Variants in SYNE1 observed in about 807,000 individuals in gnomAD.
SYNE1 encodes nesprin-1.
SYNE1 carries 616 observed loss-of-function variants against 1,111.0 expected under a neutral mutation model. The observed-to-expected ratio is 0.55, with a 90% CI of 0.52 to 0.59. The LOEUF is 0.59. Among genes scored for constraint, SYNE1 ranks in the 20% least tolerant of loss-of-function variants. SYNE1 has a pLI of 0.00. For synonymous variants in SYNE1, 3,855 were observed against 3,825.8 expected (o/e 1.01, Z -0.28); for missense variants, 10,006 against 10,417.0 (o/e 0.96, Z 1.72).
At position 152,141,261 on chromosome 6, in the gene SYNE1, C is replaced by G; in HGVS notation, c.25188G>C (p.Glu8396Asp). ...CAAAGCCAGGAAGGCTCTCCTCTTC[C>G]TCCTTCAGTTTGTGCTCCAGTCTCT... ...SVKRLEHKLK[E>D]EEESLPGFVN... Residue 8396 changes from glutamate to aspartate, a missense_variant, in exon 139 of 146, where the codon GAG becomes GAC. Transcript: ENST00000367255. 6.2e-7 allele frequency: 1 copy of G among 1,614,218 alleles called. No homozygotes were observed. The highest frequency in any genetic ancestry group is 8.5e-7 in the Non-Finnish European group (1 of 1,180,040).
At chr6:152,235,508 T>TGC (rs1562391068) in intron 110 of SYNE1, among the ~76,000 whole-genome samples, 2 of 152,060 alleles carry the variant, frequency 1.3e-5, no homozygotes, top group Non-Finnish European at 2.9e-5. Flanking sequence ...ATTACAGGCA[T>TGC]GCACCACCAC....
chr6:152,337,135 G>A (rs1303528827), intron 75 of SYNE1, 118 bp from the exon 76 acceptor site: 7 of 908,236 alleles, frequency 7.7e-6, no homozygotes, highest in East Asian at 2.6e-5. Flanking sequence ...ACATACACAC[G>A]CAAACTCACA....
intron 63 of SYNE1, among the ~76,000 whole-genome samples, chr6:152,364,455 T>C (rs1237858338): frequency 8.2e-5 from 8 of 98,038 alleles, no homozygotes; most frequent in African/African-American, 5.5e-4. Flanking sequence ...TTATGAATCT[T>C]TTTTTTTTTG....
chr6:152,506,493 C>T (rs2099058766), intron 8 of SYNE1, among the ~76,000 whole-genome samples: 1 of 151,766 alleles, frequency 6.6e-6, no homozygotes, highest in African/African-American at 2.4e-5. Context: ...GAATGGTATG[C>T]TGATTAATAT....
intron 59 of SYNE1, among the ~76,000 whole-genome samples, 167 bp downstream of exon 59, chr6:152,372,870 T>C (rs2097212657): frequency 6.6e-6 from 1 of 152,206 alleles, no homozygotes; most frequent in East Asian, 1.9e-4. Flanking sequence ...CTCCCACTTC[T>C]AGCATTGGGC....
At chr6:152,361,886 G>A (rs528163853) in intron 64 of SYNE1, among the ~76,000 whole-genome samples, 2 of 151,614 alleles carry the variant, frequency 1.3e-5, no homozygotes, top group South Asian at 4.2e-4. Flanking sequence ...TGATGAGCAG[G>A]CTGAAGACAT....
chr6:152,397,750 T>A (rs1208688200), intron 49 of SYNE1, among the ~76,000 whole-genome samples: 1 of 152,062 alleles, frequency 6.6e-6, no homozygotes, highest in Non-Finnish European at 1.5e-5. Flanking sequence ...TGTTTGTAAC[T>A]AGCACTTTGA....
intron 56 of SYNE1, 91 bp downstream of exon 56, chr6:152,380,915 T>C: frequency 1.6e-5 from 21 of 1,298,522 alleles, no homozygotes; most frequent in Non-Finnish European, 2.3e-5. Context: ...TTGCGTGTTT[T>C]TAGTTAGCAA....
intron 63 of SYNE1, chr6:152,363,879 C>T (rs1041396010): frequency 5.2e-6 from 2 of 387,498 alleles, no homozygotes; most frequent in African/African-American, 4.2e-5. Flanking sequence ...CACTGTATAC[C>T]AGCTCCCAGC....
intron 61 of SYNE1, chr6:152,368,667 A>G (rs1311832063): frequency 2.8e-5 from 9 of 319,086 alleles, no homozygotes; most frequent in African/African-American, 1.5e-4. Context: ...CTTCCAAATC[A>G]AAGCCCTGGG....
At chr6:152,172,837 A>C (rs2099509085) in intron 130 of SYNE1, among the ~76,000 whole-genome samples, 1 of 152,306 alleles carries the variant, frequency 6.6e-6, no homozygotes, top group Admixed American at 6.5e-5. Flanking sequence ...GAGATGATAA[A>C]AATGTTCTGC....
At chr6:152,547,777 T>C (rs2099321419) in intron 3 of SYNE1, among the ~76,000 whole-genome samples, 2 of 152,204 alleles carry the variant, frequency 1.3e-5, no homozygotes, top group African/African-American at 4.8e-5. Flanking sequence ...CCTTTCATTC[T>C]GTATCTCACT....
chr6:152,615,828 T>C (rs1021590085), intron 3 of SYNE1, among the ~76,000 whole-genome samples: 1 of 152,222 alleles, frequency 6.6e-6, no homozygotes, highest in African/African-American at 2.4e-5. Context: ...TTTTCACACC[T>C]TTTGACTTTT....
At position 152,258,172 on chromosome 6, in the gene SYNE1, T is replaced by C. The variant is rs78366508; in HGVS notation, c.18973-1407A>G. Among the ~76,000 whole-genome samples the C allele has an allele frequency of 2.4e-3, 364 of 152,270 alleles. 13 individuals carry two copies. In the East Asian group the frequency reaches 0.066, roughly 28 times the overall value. ...ATGACAGAAAACTGTCCATCCAATA[T>C]AGAGGCAACTAGCTGATATTCCCAA... On this transcript the variant is annotated intron_variant, in intron 101 of 145. Coordinates refer to ENST00000367255, the MANE Select transcript of SYNE1 (RefSeq NM_182961.4).
At position 152,436,148 on chromosome 6, in the gene SYNE1, T is replaced by C. The variant is rs774792696; in HGVS notation, c.4150-47A>G. 9 of 1,599,382 alleles carry C rather than the reference T, an allele frequency of 5.6e-6. No homozygotes were observed. The South Asian group carries it at 1.0e-4, about 18-fold the overall frequency. ...TTAGGTAGGCACTTTATATTATTTA[T>C]CTCTGCCCTCAAATAAAGTGCACAT... On this transcript the variant is annotated intron_variant, in intron 32 of 145. Coordinates refer to ENST00000367255, the MANE Select transcript of SYNE1 (RefSeq NM_182961.4).
intron 4 of SYNE1, 60 bp from the exon 5 acceptor site, chr6:152,526,235 T>C: frequency 6.6e-7 from 1 of 1,513,558 alleles, no homozygotes. Context: ...TTTCTCTCTT[T>C]CTCTCTCTCA....
chr6:152,330,107 A>T lies in SYNE1; in HGVS notation c.14578T>A (p.Ser4860Thr). 6.2e-7 allele frequency: 1 copy of T among 1,614,168 alleles called. No homozygotes were observed. Among genetic ancestry groups the T allele is most frequent in the Non-Finnish European group, 8.5e-7 (1 of 1,180,032 alleles). ...AACAGTTTTAACTCCCCTTGCCAGGACTGGATCTGATGCCTGGCTTTCTCA... is the reference window on the plus strand; with the variant it reads ...AACAGTTTTAACTCCCCTTGCCAGGTCTGGATCTGATGCCTGGCTTTCTCA... The part of the protein sequence containing the change: ...AYEKARHQIQ[S>T]WQGELKLLTS... Residue 4860 changes from serine (S) to threonine (T), a missense_variant, in exon 78 of 146, where the codon TCC becomes ACC. Physicochemically the swap from Ser to Thr is moderately conservative, Grantham distance 58. Transcript: ENST00000367255.
rs1444729597 is a variant in SYNE1 at position 152,395,393 on chromosome 6, A to T, written c.7712+123T>A. On this transcript the variant is annotated intron_variant, in intron 51 of 145. Transcript: ENST00000367255. The stretch of plus-strand genomic sequence containing the variant: ...TAGTCCTCTGTATTCCAGACATTCA[A>T]GGACAGCACAAACCACTACCCACAA... The T allele has an allele frequency of 4.1e-6, 4 of 968,516 alleles. No homozygotes were observed. The African/African-American group carries it at 6.5e-5, about 16-fold the overall frequency. 60.0% of individuals were successfully genotyped at this position (968,516 alleles called of 1,614,324 possible).
intron 3 of SYNE1, among the ~76,000 whole-genome samples, chr6:152,605,523 T>C (rs147030211): frequency 8.3e-4 from 127 of 152,266 alleles, no homozygotes; most frequent in African/African-American, 3.0e-3. Flanking sequence ...ATCAAACATA[T>C]AAAAGTTCAC....
Sources: allele counts gnomAD v4.1 joint callset (sites outside exome capture counted in the v4.1 genomes callset), GRCh38; gene constraint gnomAD v4.1.1; transcripts MANE v1.5; gene names NCBI Gene and HGNC (gene_info 2026-07-23, HGNC 2026-07-21).